Variants in SPOCK1 observed in about 807,000 individuals in gnomAD.
SPOCK1 encodes testican-1.
A neutral mutation model predicts 55.3 loss-of-function variants in SPOCK1; 23 were observed. That is an observed-to-expected ratio of 0.42 (90% confidence interval 0.30 to 0.59). The LOEUF is 0.59. SPOCK1 is among the 20% of genes least tolerant of loss of function. SPOCK1 has a pLI of 0.22. For missense variants in SPOCK1, 499 were observed against 552.5 expected (o/e 0.90, Z 0.97); for synonymous variants, 226 against 221.0 (o/e 1.02, Z -0.20).
chr5:137,323,533 A>C (rs1561504564), intron 2 of SPOCK1, among the ~76,000 whole-genome samples: 1 of 152,108 alleles, frequency 6.6e-6, no homozygotes, highest in African/African-American at 2.4e-5. Flanking sequence ...ACAAACATTG[A>C]CATGACATGG....
At chr5:137,060,611 G>T (rs975571609) in intron 6 of SPOCK1, among the ~76,000 whole-genome samples, 12 of 147,850 alleles carry the variant, frequency 8.1e-5, no homozygotes, top group African/African-American at 2.9e-4. Context: ...AAAATAAAAA[G>T]AATGTATGTT....
Position 137,112,490 on chromosome 5 carries a change from G to A in SPOCK1, c.419C>T (p.Pro140Leu), listed in dbSNP as rs148446530. ...PSNLVKCKPC[P>L]VAQSAMVCGS... ...GCAGACCATGGCTGACTGTGCCACG[G>A]GACAGGGCTTGCACTTGACCAAATT... The change falls in exon 5 of 11, where the codon CCC becomes CTC. Residue 140 changes from proline to leucine, a missense_variant. Physicochemically the swap from Pro to Leu is moderately conservative, Grantham distance 98 (BLOSUM62 -3). Coordinates refer to ENST00000394945, the MANE Select transcript of SPOCK1 (RefSeq NM_004598.4). The A allele has an allele frequency of 3.5e-5, 57 of 1,613,756 alleles. No individual in the cohort carries two copies. The highest frequency in any genetic ancestry group is 4.7e-5 in the Non-Finnish European group (56 of 1,180,004).
chr5:137,148,781 T>C (rs990443349), intron 3 of SPOCK1, among the ~76,000 whole-genome samples: 4 of 152,262 alleles, frequency 2.6e-5, no homozygotes, highest in Non-Finnish European at 4.4e-5. Flanking sequence ...TTAAGCCTGT[T>C]TGTGGTCACA....
chr5:137,494,661 C>T (rs1754260010), intron 2 of SPOCK1, among the ~76,000 whole-genome samples: 1 of 152,106 alleles, frequency 6.6e-6, no homozygotes, highest in Non-Finnish European at 1.5e-5. Flanking sequence ...TAAAAGAAAA[C>T]AGAATAAGTA....
At chr5:137,488,574 C>T (rs945992229) in intron 2 of SPOCK1, among the ~76,000 whole-genome samples, 4 of 152,192 alleles carry the variant, frequency 2.6e-5, no homozygotes, top group Non-Finnish European at 5.9e-5. Flanking sequence ...CATCTTTTCT[C>T]TTTGTCTTGG....
intron 3 of SPOCK1, among the ~76,000 whole-genome samples, chr5:137,160,578 A>ATATATAATATATAT (rs1754519950): frequency 2.1e-5 from 1 of 47,080 alleles, no homozygotes; most frequent in African/African-American, 7.5e-5. Flanking sequence ...ATATTATATA[A>ATATATAATATATAT]TATATATAAT....
intron 2 of SPOCK1, among the ~76,000 whole-genome samples, chr5:137,488,400 C>A (rs996378579): frequency 2.0e-5 from 3 of 152,142 alleles, no homozygotes; most frequent in Admixed American, 6.5e-5. Flanking sequence ...ATCACCTGGA[C>A]TGCTCATTTA....
intron 6 of SPOCK1, among the ~76,000 whole-genome samples, chr5:137,064,944 T>C (rs1209835605): frequency 2.0e-5 from 3 of 152,094 alleles, no homozygotes; most frequent in Admixed American, 6.5e-5. Context: ...ATTAGATAGT[T>C]TGGCCAGGCC....
chr5:137,412,058 A>G (rs994001848), intron 2 of SPOCK1, among the ~76,000 whole-genome samples: 1 of 152,158 alleles, frequency 6.6e-6, no homozygotes, highest in African/African-American at 2.4e-5. Flanking sequence ...ATCCACCCAC[A>G]ATGTGAAGAG....
intron 2 of SPOCK1, among the ~76,000 whole-genome samples, chr5:137,396,869 T>C (rs1751859742): frequency 6.6e-6 from 1 of 152,086 alleles, no homozygotes; most frequent in Non-Finnish European, 1.5e-5. Flanking sequence ...CAAGAGAGGG[T>C]GTCTCAGGGG....
At chr5:137,021,598 C>T (rs988134733) in intron 6 of SPOCK1, among the ~76,000 whole-genome samples, 8 of 152,150 alleles carry the variant, frequency 5.3e-5, no homozygotes, top group African/African-American at 1.9e-4. Context: ...AATGAATATA[C>T]TAGCTGTGTT....
At chr5:137,279,892 A>G (rs2127124523) in intron 2 of SPOCK1, among the ~76,000 whole-genome samples, 1 of 152,318 alleles carries the variant, frequency 6.6e-6, no homozygotes. Context: ...AAAACCAACT[A>G]GTCTTCTGCC....
chr5:137,230,034 G>A (rs922717702), intron 3 of SPOCK1, among the ~76,000 whole-genome samples: 2 of 152,100 alleles, frequency 1.3e-5, no homozygotes, highest in African/African-American at 2.4e-5. Flanking sequence ...TGCAAGACTC[G>A]CCCATGCTCC....
intron 2 of SPOCK1, among the ~76,000 whole-genome samples, chr5:137,386,325 C>T (rs1751598505): frequency 6.6e-6 from 1 of 152,146 alleles, no homozygotes; most frequent in South Asian, 2.1e-4. Flanking sequence ...TAATGCAATC[C>T]TAATCAAACT....
intron 6 of SPOCK1, among the ~76,000 whole-genome samples, chr5:137,004,776 A>G (rs975294548): frequency 2.0e-5 from 3 of 152,184 alleles, no homozygotes; most frequent in African/African-American, 7.2e-5. Context: ...GAAGCCACCC[A>G]GATGGAAGTT....
At chr5:137,391,015 C>T (rs140611498) in intron 2 of SPOCK1, among the ~76,000 whole-genome samples, 2,992 of 152,140 alleles carry the variant, frequency 0.02, 110 homozygotes, top group African/African-American at 0.069. Flanking sequence ...GGTTTTAAGC[C>T]CTGCATGCAT....
At chr5:137,356,011 C>T (rs777488080) in intron 2 of SPOCK1, among the ~76,000 whole-genome samples, 6 of 152,202 alleles carry the variant, frequency 3.9e-5, no homozygotes, top group Non-Finnish European at 8.8e-5. Context: ...CTTCCACTAC[C>T]CTCCTGTTGG....
intron 5 of SPOCK1, among the ~76,000 whole-genome samples, chr5:137,104,902 G>A (rs2127027744): frequency 6.6e-6 from 1 of 152,274 alleles, no homozygotes; most frequent in East Asian, 1.9e-4. Flanking sequence ...AATGTGATGT[G>A]TTTGAATCAT....
intron 2 of SPOCK1, among the ~76,000 whole-genome samples, chr5:137,294,830 T>G (rs1201363134): frequency 6.6e-6 from 1 of 152,222 alleles, no homozygotes; most frequent in African/African-American, 2.4e-5. Flanking sequence ...TTTTCTTATC[T>G]GAAATATTTT....
Sources: allele counts gnomAD v4.1 joint callset (sites outside exome capture counted in the v4.1 genomes callset), GRCh38; gene constraint gnomAD v4.1.1; transcripts MANE v1.5; gene names NCBI Gene and HGNC (gene_info 2026-07-23, HGNC 2026-07-21).